CBLB: variants seen among roughly 807,000 people sequenced by gnomAD.
The protein encoded by CBLB is Cbl proto-oncogene B, also known as E3 ubiquitin-protein ligase CBL-B.
CBLB carries 31 observed loss-of-function variants against 104.9 expected under a neutral mutation model. The observed-to-expected ratio is 0.30, with a 90% CI of 0.22 to 0.40. CBLB has a LOEUF of 0.40. Ranked by LOEUF, CBLB falls within the 10% of genes least tolerant of loss-of-function variation. CBLB has a pLI of 1.00. For synonymous variants in CBLB, 440 were observed against 422.6 expected (o/e 1.04, Z -0.51); for missense variants, 1,062 against 1,214.6 (o/e 0.87, Z 1.87).
Position 105,725,086 on chromosome 3 carries a change from T to A in CBLB, c.1204-4836A>T, listed in dbSNP as rs552599411. Among the ~76,000 whole-genome samples, 14 of 152,226 alleles carry A rather than the reference T, an allele frequency of 9.2e-5. No homozygotes were observed. In the East Asian group the frequency reaches 2.7e-3, roughly 29 times the overall value. ...ACTGATCATTCATAAATGTAAAAAA[T>A]TTAAAACTATTTTGTTCAAATTGCA... On this transcript the variant is annotated intron_variant, in intron 9 of 18. Transcript: ENST00000394030.
chr3:105,847,436 T>C (rs1009499441), intron 3 of CBLB, among the ~76,000 whole-genome samples: 7 of 143,110 alleles, frequency 4.9e-5, no homozygotes, highest in Admixed American at 4.2e-4. Flanking sequence ...ACACCCCATT[T>C]TGTCATTTAT....
intron 16 of CBLB, among the ~76,000 whole-genome samples, chr3:105,679,422 CAT>C (rs1407069796): frequency 6.8e-6 from 1 of 146,122 alleles, no homozygotes. Context: ...TACATAAACA[CAT>C]ATTCTAATAA....
At chr3:105,751,386 G>C (rs2076577668) in intron 5 of CBLB, 76 bp downstream of exon 5, 2 of 886,800 alleles carry the variant, frequency 2.3e-6, no homozygotes, top group Admixed American at 2.0e-5. Context: ...GAGAGAGACA[G>C]AGAGAGAGAG....
intron 18 of CBLB, among the ~76,000 whole-genome samples, chr3:105,663,189 G>GACCGTCATTACA (rs1363834717): frequency 2.0e-5 from 3 of 152,246 alleles, no homozygotes; most frequent in Admixed American, 1.3e-4. Context: ...TACTATTTGA[G>GACCGTCATTACA]ACAGTCATTA....
intron 3 of CBLB, among the ~76,000 whole-genome samples, chr3:105,844,813 G>A (rs2090026014): frequency 6.6e-6 from 1 of 152,078 alleles, no homozygotes; most frequent in African/African-American, 2.4e-5. Context: ...GACTCTTCTT[G>A]GGCTAGATTC....
chr3:105,716,109 T>C (rs1028013551), intron 10 of CBLB, among the ~76,000 whole-genome samples: 6 of 152,144 alleles, frequency 3.9e-5, no homozygotes, highest in Non-Finnish European at 1.5e-5. Flanking sequence ...AATGCATGAA[T>C]GAATGACAAA....
intron 3 of CBLB, among the ~76,000 whole-genome samples, chr3:105,850,507 T>C (rs1279660691): frequency 6.6e-6 from 1 of 152,204 alleles, no homozygotes; most frequent in Non-Finnish European, 1.5e-5. Context: ...TTCATTAATA[T>C]TGGTTTTCCA....
chr3:105,705,116 T>C (rs1302184503), intron 10 of CBLB, among the ~76,000 whole-genome samples: 2 of 152,210 alleles, frequency 1.3e-5, no homozygotes, highest in African/African-American at 2.4e-5. Flanking sequence ...TGCTTTGATA[T>C]TGTTCTGTTT....
At chr3:105,786,504 T>C (rs1294197334) in intron 3 of CBLB, among the ~76,000 whole-genome samples, 2 of 152,154 alleles carry the variant, frequency 1.3e-5, no homozygotes, top group African/African-American at 4.8e-5. Flanking sequence ...ACCACTTGCA[T>C]GACCATTGAT....
In CBLB at chr3:105,786,404, C is replaced by T. The variant is rs546538840; in HGVS notation, c.420-9862G>A. 4.6e-5 allele frequency among the ~76,000 whole-genome samples: 7 copies of T among 152,244 alleles called. No homozygotes were observed. In the East Asian group the frequency reaches 1.2e-3, roughly 25 times the overall value. ...ACAGAATAGATTTCCAGACTCACTG[C>T]AATGTCTCCGGTACTCTGAAAGGCT... On this transcript the variant is annotated intron_variant, in intron 3 of 18. Transcript: ENST00000394030.
intron 3 of CBLB, among the ~76,000 whole-genome samples, chr3:105,808,428 C>T (rs2083808439): frequency 6.6e-6 from 1 of 152,128 alleles, no homozygotes; most frequent in Non-Finnish European, 1.5e-5. Flanking sequence ...TACTCATTCA[C>T]CTGAAATTCC....
rs138874788 is a variant in CBLB at position 105,709,348 on chromosome 3, G to A, written c.1408-5175C>T. Among the ~76,000 whole-genome samples the A allele has an allele frequency of 4.6e-5, 7 of 151,856 alleles. 1 individual carries two copies. Among genetic ancestry groups the A allele is most frequent in the Admixed American group, 1.3e-4 (2 of 15,224 alleles). ...TCAAACTGTTTCCCATAAAAAATAC[G>A]TTTTACTGGTTTTGGCAGTTCTGTC... On this transcript the variant is annotated intron_variant, in intron 10 of 18. Coordinates refer to ENST00000394030, the MANE Select transcript of CBLB (RefSeq NM_170662.5).
intron 18 of CBLB, among the ~76,000 whole-genome samples, chr3:105,669,309 C>T (rs1203966392): frequency 2.0e-5 from 3 of 152,146 alleles, no homozygotes; most frequent in Non-Finnish European, 4.4e-5. Context: ...GGATTAGTTT[C>T]CTTATGAAAC....
chr3:105,734,862 CTTGA>C (rs1157515866), intron 8 of CBLB, among the ~76,000 whole-genome samples: 2 of 152,166 alleles, frequency 1.3e-5, no homozygotes, highest in Non-Finnish European at 1.5e-5. Context: ...CTGCAATGTT[CTTGA>C]TTGATTGGGT....
Position 105,656,075 on chromosome 3 carries a change from ACTG to A in CBLB, c.*2892_*2894del, listed in dbSNP as rs1199410775. 4.5e-6 allele frequency: 1 copy of A among 223,548 alleles called. No individual in the cohort carries two copies. Among genetic ancestry groups the A allele is most frequent in the Non-Finnish European group, 8.9e-6 (1 of 112,042 alleles). 13.8% of individuals were successfully genotyped at this position (223,548 alleles called of 1,614,324 possible). On this transcript the variant is annotated 3_prime_UTR_variant, in exon 19 of 19. Transcript: ENST00000394030. ...GGAAGGAAATTCAAGTTAAGCAAAA[ACTG>A]CTTTTATTCAATTCTAGAAAAATTT...
intron 3 of CBLB, among the ~76,000 whole-genome samples, chr3:105,835,477 T>C (rs1315558204): frequency 6.6e-6 from 1 of 152,214 alleles, no homozygotes; most frequent in African/African-American, 2.4e-5. Flanking sequence ...AACTTGATAC[T>C]GAAGCCCAAC....
rs116776616 is a variant in CBLB, at chr3:105,807,224, T to C, written c.420-30682A>G. Among the ~76,000 whole-genome samples the C allele has an allele frequency of 5.3e-3, 805 of 152,322 alleles. 8 individuals are homozygous for C. The highest frequency in any genetic ancestry group is 0.018 in the African/African-American group (759 of 41,570). On this transcript the variant is annotated intron_variant, in intron 3 of 18. Transcript: ENST00000394030. ...ACCAGATTAAATTTTTGAGAAAGATTAGTCACTTATTTTCTTAAAGATTCT... is the reference window on the plus strand; with the variant it reads ...ACCAGATTAAATTTTTGAGAAAGATCAGTCACTTATTTTCTTAAAGATTCT...
At chr3:105,779,282 T>C (rs2079853998) in intron 3 of CBLB, among the ~76,000 whole-genome samples, 1 of 152,216 alleles carries the variant, frequency 6.6e-6, no homozygotes, top group Non-Finnish European at 1.5e-5. Flanking sequence ...TAGTAACATT[T>C]TTTATAGTCT....
At position 105,670,268 on chromosome 3, in the gene CBLB, G is replaced by A. The variant is rs935096973; in HGVS notation, c.2654C>T (p.Thr885Ile). 2 of 1,613,002 alleles carry A rather than the reference G, an allele frequency of 1.2e-6. No homozygotes were observed. Among genetic ancestry groups the A allele is most frequent in the East Asian group, 2.2e-5 (1 of 44,826 alleles). The change falls in exon 18 of 19, where the codon ACA becomes ATA. Residue 885 changes from threonine (T) to isoleucine (I), a missense_variant. Physicochemically the swap from Thr to Ile is moderately conservative, Grantham distance 89. Around this residue, in one of 2 missense-constraint regions of CBLB, gnomAD observed 605 missense variants for 582.6 expected, o/e 1.04. Coordinates refer to ENST00000394030, the MANE Select transcript of CBLB (RefSeq NM_170662.5). The part of the protein sequence containing the change: ...LPGENVKTNR[T>I]SQDYDQLPSC... Reference sequence around the variant, plus strand: ...AGGAAGCTGATCATAGTCCTGTGATGTTCTGTTAGTTTTGACATTTTCACC... The same window carrying A: ...AGGAAGCTGATCATAGTCCTGTGATATTCTGTTAGTTTTGACATTTTCACC...
Sources: gnomAD v4.1 joint callset for allele counts (sites outside exome capture counted in the v4.1 genomes callset) on GRCh38, gnomAD v4.1.1 for gene constraint, gnomAD v4.1.1 regional missense constraint, MANE v1.5 for transcripts, NCBI Gene and HGNC (gene_info 2026-07-23, HGNC 2026-07-21) for gene names.